The following ATP8B1 variants were observed in gnomAD, a reference collection of about 807,000 sequenced individuals.
ATP8B1 encodes the protein ATPase phospholipid transporting 8B1.
ATP8B1 carries 80 observed loss-of-function variants against 149.9 expected under a neutral mutation model. The ratio of observed to expected loss-of-function variants is 0.53; its 90% CI spans 0.45 to 0.64. ATP8B1 has a LOEUF of 0.64. Ranked by LOEUF, ATP8B1 falls within the 30% of genes least tolerant of loss-of-function variation. The pLI, the probability that ATP8B1 is intolerant of heterozygous loss-of-function variation, is 0.00. For missense variants in ATP8B1, 1,247 were observed against 1,552.6 expected, an observed-to-expected ratio of 0.80 and a Z score of 3.31; for synonymous variants, 536 against 562.8, an observed-to-expected ratio of 0.95 and a Z score of 0.67.
At chr18:57,650,118 T>TA (rs1004376065) in intron 27 of ATP8B1, among the ~76,000 whole-genome samples, 2 of 152,208 alleles carry the variant, frequency 1.3e-5, no homozygotes, top group African/African-American at 2.4e-5. Context: ...ACTGAGGAGA[T>TA]AGATATATGG....
Position 57,800,450 on chromosome 18 carries a change from T to C in ATP8B1, c.-26+2548A>G, listed in dbSNP as rs138541877. ...AGTAACCGACACTAAAGAGCAAAGG[T>C]AACTAGGAAAAATCTCTCTGGAGTT... On this transcript the variant is annotated intron_variant, in intron 1 of 27. Coordinates refer to ENST00000648908, the MANE Select transcript of ATP8B1 (RefSeq NM_001374385.1). Among the ~76,000 whole-genome samples, 91 of 152,274 alleles carry C rather than the reference T, an allele frequency of 6.0e-4. 1 individual carries two copies. In the East Asian group the frequency reaches 0.017, roughly 28 times the overall value.
intron 1 of ATP8B1, chr18:57,734,200 T>C (rs566173779): frequency 6.6e-6 from 1 of 152,310 alleles, no homozygotes; most frequent in East Asian, 1.9e-4. Flanking sequence ...TTATTATTAT[T>C]ATCTTTTGAG....
At chr18:57,725,958 G>C (rs968050822) in intron 2 of ATP8B1, among the ~76,000 whole-genome samples, 1 of 152,162 alleles carries the variant, frequency 6.6e-6, no homozygotes, top group Non-Finnish European at 1.5e-5. Context: ...GTCTGAGCAT[G>C]GTGGCTCACG....
At position 57,764,757 on chromosome 18, in the gene ATP8B1, C is replaced by A. The variant is rs10469208; in HGVS notation, c.-25-32925G>T. The stretch of plus-strand genomic sequence containing the variant: ...GAATTAACTTTTCACTTTCAGTTGT[C>A]AAAAAAAAAAAAAAAAAAAAAAACA... On this transcript the variant is annotated intron_variant, in intron 1 of 27. Coordinates refer to ENST00000648908, the MANE Select transcript of ATP8B1 (RefSeq NM_001374385.1). Among the ~76,000 whole-genome samples the A allele has an allele frequency of 6.4e-3, 665 of 103,992 alleles. 8 individuals are homozygous for A. The highest frequency in any genetic ancestry group is 0.02 in the East Asian group (68 of 3,422). The allele number at this position is 103,992 out of a possible 152,430, so 68.2% of individuals were successfully genotyped here. A position where few individuals can be genotyped will look rare whatever the true frequency, so the allele number is the denominator to read the frequency against.
chr18:57,766,200 C>T (rs1446734798), intron 1 of ATP8B1, among the ~76,000 whole-genome samples: 5 of 151,668 alleles, frequency 3.3e-5, no homozygotes, highest in East Asian at 4.0e-4. Context: ...CCTGCCACCA[C>T]GCCTGGCTGA....
chr18:57,761,964 A>AT (rs1346516686), intron 1 of ATP8B1, among the ~76,000 whole-genome samples: 1 of 150,654 alleles, frequency 6.6e-6, no homozygotes, highest in East Asian at 1.9e-4. Flanking sequence ...AAAAAAAAAA[A>AT]AAAGGATTAT....
intron 12 of ATP8B1, among the ~76,000 whole-genome samples, chr18:57,688,873 T>A (rs1912391376): frequency 1.3e-5 from 2 of 152,138 alleles, no homozygotes; most frequent in Non-Finnish European, 2.9e-5. Flanking sequence ...TGCCGATGCT[T>A]TGATTTGAGA....
rs907760717 is a variant in ATP8B1, at chr18:57,761,064, C to A, written c.-25-29232G>T. ...AATAAAATAAAATAACATAAAATAA[C>A]ATAAAATAAAATAAATAAAATAAAA... On this transcript the variant is annotated intron_variant, in intron 1 of 27. Transcript: ENST00000648908. Among the ~76,000 whole-genome samples the A allele has an allele frequency of 8.3e-5, 11 of 133,136 alleles. No individual in the cohort carries two copies. The South Asian group carries it at 1.4e-3, about 17-fold the overall frequency. The allele number at this position is 133,136 out of a possible 152,430, so 87.3% of individuals were successfully genotyped here. A position where few individuals can be genotyped will look rare whatever the true frequency, so the allele number is the denominator to read the frequency against.
intron 21 of ATP8B1, among the ~76,000 whole-genome samples, chr18:57,661,696 CAT>C (rs1555688767): frequency 3.3e-5 from 3 of 90,400 alleles, no homozygotes; most frequent in Non-Finnish European, 4.3e-5. Context: ...CACACACACA[CAT>C]ATATATATAT....
At chr18:57,751,312 C>A (rs1313763284) in intron 1 of ATP8B1, among the ~76,000 whole-genome samples, 1 of 151,816 alleles carries the variant, frequency 6.6e-6, no homozygotes, top group African/African-American at 2.4e-5. Flanking sequence ...GGTGAAACCA[C>A]AGCTGTACAA....
At chr18:57,762,582 T>A (rs554070789) in intron 1 of ATP8B1, among the ~76,000 whole-genome samples, 36 of 152,282 alleles carry the variant, frequency 2.4e-4, no homozygotes, top group Admixed American at 2.0e-3. Flanking sequence ...TTGCATTAAG[T>A]CTTACTCTCA....
intron 1 of ATP8B1, among the ~76,000 whole-genome samples, chr18:57,738,710 A>G (rs1225092822): frequency 6.6e-6 from 1 of 152,030 alleles, no homozygotes; most frequent in Non-Finnish European, 1.5e-5. Context: ...CCTCCAATTC[A>G]TCACCTCCTC....
intron 22 of ATP8B1, among the ~76,000 whole-genome samples, chr18:57,657,256 T>C (rs1019277595): frequency 1.3e-5 from 2 of 151,822 alleles, no homozygotes; most frequent in South Asian, 4.2e-4. Context: ...TTTTTTTTTC[T>C]TTACGGGGGA....
At chr18:57,689,341 C>T (rs1912414815) in intron 12 of ATP8B1, among the ~76,000 whole-genome samples, 1 of 152,072 alleles carries the variant, frequency 6.6e-6, no homozygotes, top group Non-Finnish European at 1.5e-5. Context: ...GGCAAATACC[C>T]CAAATCATGA....
intron 1 of ATP8B1, among the ~76,000 whole-genome samples, chr18:57,770,257 C>G: frequency 6.6e-6 from 1 of 152,138 alleles, no homozygotes; most frequent in East Asian, 1.9e-4. Flanking sequence ...TTTTCTTGCA[C>G]TCAGGCAGAA....
chr18:57,720,826 A>C (rs1599153714), intron 2 of ATP8B1, among the ~76,000 whole-genome samples: 2 of 151,976 alleles, frequency 1.3e-5, no homozygotes, highest in Middle Eastern at 3.4e-3. Context: ...GAAAGAAAAA[A>C]TGTTAAGGGC....
intron 1 of ATP8B1, among the ~76,000 whole-genome samples, chr18:57,758,097 G>A (rs1293290987): frequency 6.6e-6 from 1 of 152,036 alleles, no homozygotes; most frequent in Non-Finnish European, 1.5e-5. Context: ...CAGCTCAAAC[G>A]ATCCTCCCAC....
At chr18:57,648,818 T>C in intron 27 of ATP8B1, 106 bp from the exon 28 acceptor site, 1 of 1,070,358 alleles carries the variant, frequency 9.3e-7, no homozygotes, top group Non-Finnish European at 1.4e-6. Context: ...CCCTGACACC[T>C]GCCCCATTTT....
intron 1 of ATP8B1, among the ~76,000 whole-genome samples, chr18:57,791,298 A>T (rs2080461364): frequency 6.6e-6 from 1 of 150,750 alleles, no homozygotes; most frequent in Non-Finnish European, 1.5e-5. Context: ...TTCAAAGTTC[A>T]TCCATGTAGC....
Sources: allele counts gnomAD v4.1 joint callset (sites outside exome capture counted in the v4.1 genomes callset), GRCh38; gene constraint gnomAD v4.1.1; transcripts MANE v1.5; gene names NCBI Gene and HGNC (gene_info 2026-07-23, HGNC 2026-07-21).